PLEKHA7: variants seen among roughly 807,000 people sequenced by gnomAD.
PLEKHA7 encodes pleckstrin homology domain-containing family A member 7.
PLEKHA7 carries 104 observed loss-of-function variants against 170.0 expected under a neutral mutation model. The ratio of observed to expected loss-of-function variants is 0.61; its 90% CI spans 0.52 to 0.72. The LOEUF is 0.72. Among genes scored for constraint, PLEKHA7 ranks in the 30% least tolerant of loss-of-function variants. PLEKHA7 has a pLI of 0.00. For synonymous variants in PLEKHA7, 648 were observed against 660.8 expected (o/e 0.98, Z 0.30); for missense variants, 1,615 against 1,671.7 (o/e 0.97, Z 0.59).
At chr11:16,840,287 G>C (rs988619014) in intron 9 of PLEKHA7, among the ~76,000 whole-genome samples, 1 of 152,192 alleles carries the variant, frequency 6.6e-6, no homozygotes, top group Non-Finnish European at 1.5e-5. Context: ...CAGGCCGGGC[G>C]TGGTGGCTCA....
chr11:16,857,962 G>A (rs913045531), intron 4 of PLEKHA7, among the ~76,000 whole-genome samples: 2 of 152,174 alleles, frequency 1.3e-5, no homozygotes, highest in Admixed American at 6.5e-5. Context: ...CAGGTGATCC[G>A]CCCACCTCGG....
chr11:16,915,007 TCTG>T (rs1347345054), intron 3 of PLEKHA7, among the ~76,000 whole-genome samples: 1 of 152,178 alleles, frequency 6.6e-6, no homozygotes, highest in Non-Finnish European at 1.5e-5. Context: ...GACAGGCCAC[TCTG>T]CTGTTTCTTG....
chr11:16,786,770 C>T, intron 23 of PLEKHA7: 1 of 985,362 alleles, frequency 1.0e-6, no homozygotes, highest in Non-Finnish European at 1.2e-6. Flanking sequence ...GACATACGTC[C>T]CAGGCTCAGA....
chr11:16,880,703 C>T (rs1001654740), intron 3 of PLEKHA7, among the ~76,000 whole-genome samples: 4 of 152,180 alleles, frequency 2.6e-5, no homozygotes, highest in African/African-American at 7.2e-5. Context: ...CTTCCATCCC[C>T]GACAGGTTCA....
At chr11:16,968,223 C>T (rs1285249233) in intron 3 of PLEKHA7, among the ~76,000 whole-genome samples, 1 of 152,208 alleles carries the variant, frequency 6.6e-6, no homozygotes, top group Non-Finnish European at 1.5e-5. Flanking sequence ...CCTGCTGACA[C>T]TCATCAGTAG....
intron 4 of PLEKHA7, 92 bp from the exon 5 acceptor site, chr11:16,856,006 G>T (rs1853420902): frequency 9.0e-7 from 1 of 1,105,814 alleles, no homozygotes; most frequent in Non-Finnish European, 1.4e-6. Flanking sequence ...TCGGTTGTTG[G>T]GCCTTAGAAC....
At chr11:16,906,144 A>G (rs1377640586) in intron 3 of PLEKHA7, among the ~76,000 whole-genome samples, 1 of 152,056 alleles carries the variant, frequency 6.6e-6, no homozygotes, top group East Asian at 1.9e-4. Context: ...ATTAATATTC[A>G]AAGTCCTAAT....
In PLEKHA7 at chr11:16,924,522, T is replaced by C. The variant is rs186651607; in HGVS notation, c.222-53340A>G. On this transcript the variant is annotated intron_variant, in intron 3 of 26. Coordinates refer to ENST00000531066, the MANE Select transcript of PLEKHA7 (RefSeq NM_001329630.2). ...CTTGAGGAAGGGGATGGGAGTGAGA[T>C]GCATTTAGGAAGGCAAAGGAGGAGG... Among the ~76,000 whole-genome samples the C allele has an allele frequency of 1.3e-4, 20 of 152,238 alleles. No individual in the cohort carries two copies. The Middle Eastern group carries it at 0.014, about 104-fold the overall frequency.
rs1420272859 is a variant in PLEKHA7, at chr11:16,817,310, G to C, written c.1356C>G (p.Asp452Glu). Reference protein sequence around the residue: ...QKGDSRSLPLDQTLPRQGPGQ... With the variant: ...QKGDSRSLPLEQTLPRQGPGQ... ...CAGGACCCTGGCGAGGAAGCGTCTG[G>C]TCCAAGGGAAGACTGAGGAGAAAGG... The change falls in exon 11 of 27, where the codon GAC (aspartate) becomes GAG (glutamate). Residue 452 changes from aspartate to glutamate, a missense_variant. Coordinates refer to ENST00000531066, the MANE Select transcript of PLEKHA7 (RefSeq NM_001329630.2). The surrounding 1 kb of genome is among the most constrained non-coding windows in gnomAD (Gnocchi z 4.4). The C allele has an allele frequency of 6.2e-7, 1 of 1,609,028 alleles. No individual in the cohort carries two copies. Among genetic ancestry groups the C allele is most frequent in the African/African-American group, 1.3e-5 (1 of 74,898 alleles).
chr11:16,930,885 G>A (rs916178078), intron 3 of PLEKHA7, among the ~76,000 whole-genome samples: 2 of 152,158 alleles, frequency 1.3e-5, no homozygotes, highest in African/African-American at 4.8e-5. Flanking sequence ...GCTGGCCAGT[G>A]CCTTAGAACC....
rs182100575 is a variant in PLEKHA7, at chr11:16,851,597, C to T, written c.596-306G>A. Among the ~76,000 whole-genome samples the T allele has an allele frequency of 9.9e-5, 15 of 152,186 alleles. No homozygotes were observed. The East Asian group carries it at 1.2e-3, about 12-fold the overall frequency. On this transcript the variant is annotated intron_variant, in intron 7 of 26. Transcript: ENST00000531066. ...CTGAGTAGCTGGGATTACAGGCATG[C>T]GCCACCATGCCTGGCTAATTTTTGT...
At chr11:16,998,797 T>C (rs896737206) in intron 3 of PLEKHA7, among the ~76,000 whole-genome samples, 4 of 152,126 alleles carry the variant, frequency 2.6e-5, no homozygotes, top group Non-Finnish European at 5.9e-5. Context: ...TTTAGCTTCA[T>C]AGCATTCAAC....
At chr11:16,891,998 A>T (rs1434508516) in intron 3 of PLEKHA7, among the ~76,000 whole-genome samples, 1 of 152,232 alleles carries the variant, frequency 6.6e-6, no homozygotes, top group African/African-American at 2.4e-5. Context: ...CATATTTTTC[A>T]AGGAACTGAG....
chr11:16,906,236 A>T (rs1329596219), intron 3 of PLEKHA7, among the ~76,000 whole-genome samples: 90 of 64,776 alleles, frequency 1.4e-3, no homozygotes, highest in Admixed American at 4.3e-3. Context: ...GGAAGGAAGG[A>T]AGGAAGGAAG....
At chr11:16,781,893 C>G (rs527386393) in intron 26 of PLEKHA7, among the ~76,000 whole-genome samples, 1 of 152,242 alleles carries the variant, frequency 6.6e-6, no homozygotes, top group East Asian at 1.9e-4. Flanking sequence ...TGTTCCCTCC[C>G]CAGAAGAAGC....
chr11:16,994,745 C>G (rs988812520), intron 3 of PLEKHA7, among the ~76,000 whole-genome samples: 1 of 152,142 alleles, frequency 6.6e-6, no homozygotes, highest in Admixed American at 6.5e-5. Context: ...CAACAAATCC[C>G]TGCTTGTTTC....
intron 3 of PLEKHA7, among the ~76,000 whole-genome samples, chr11:16,901,705 C>CA (rs1326954161): frequency 6.6e-6 from 1 of 151,998 alleles, no homozygotes; most frequent in African/African-American, 2.4e-5. Flanking sequence ...CCCATCTCTA[C>CA]AAAAAATACA....
chr11:16,781,257 TGG>T (rs1410652336), intron 26 of PLEKHA7: 2 of 152,706 alleles, frequency 1.3e-5, no homozygotes, highest in Non-Finnish European at 2.9e-5. Context: ...GTTTCTGAGA[TGG>T]AGAGAGGCAT....
At chr11:16,847,074 T>C (rs1191868535) in intron 8 of PLEKHA7, among the ~76,000 whole-genome samples, 1 of 145,058 alleles carries the variant, frequency 6.9e-6, no homozygotes, top group Admixed American at 6.9e-5. Flanking sequence ...AGGCTGTGGC[T>C]GAAGTTTTTT....
Sources: gnomAD v4.1 joint callset for allele counts (sites outside exome capture counted in the v4.1 genomes callset) on GRCh38, gnomAD v4.1.1 for gene constraint, Gnocchi (gnomAD v3.1) non-coding constraint, MANE v1.5 for transcripts, NCBI Gene and HGNC (gene_info 2026-07-23, HGNC 2026-07-21) for gene names.